GALNT13: variants seen among roughly 807,000 people sequenced by gnomAD.
The protein encoded by GALNT13 is polypeptide N-acetylgalactosaminyltransferase 13, also known as UDP-GalNAc:polypeptide N-acetylgalactosaminyltransferase 13.
A neutral mutation model predicts 64.2 loss-of-function variants in GALNT13; 28 were observed. The observed-to-expected ratio is 0.44, with a 90% CI of 0.32 to 0.60. GALNT13 has a LOEUF of 0.60. Ranked by LOEUF, GALNT13 falls within the 20% of genes least tolerant of loss-of-function variation. GALNT13 has a pLI of 0.05. For synonymous variants in GALNT13, 214 were observed against 224.6 expected (o/e 0.95, Z 0.42); for missense variants, 577 against 669.8 (o/e 0.86, Z 1.53).
At chr2:153,945,692 G>A (rs537169300) in intron 3 of GALNT13, among the ~76,000 whole-genome samples, 7 of 152,084 alleles carry the variant, frequency 4.6e-5, no homozygotes, top group Admixed American at 1.3e-4. Context: ...TGAAATTTAG[G>A]GAAACAGAAG....
intron 3 of GALNT13, among the ~76,000 whole-genome samples, chr2:153,980,434 G>T (rs1026723918): frequency 6.6e-6 from 1 of 152,086 alleles, no homozygotes; most frequent in African/African-American, 2.4e-5. Flanking sequence ...AATAAAGTTA[G>T]TGAAAAAGAG....
the GALNT13 span, among the ~76,000 whole-genome samples, chr2:153,186,420 C>G: frequency 6.6e-6 from 1 of 152,088 alleles, no homozygotes; most frequent in African/African-American, 2.4e-5. Flanking sequence ...TTGACATTCT[C>G]TGTCTTTTAA....
chr2:154,370,210 T>A (rs1574178678), intron 9 of GALNT13, among the ~76,000 whole-genome samples: 1 of 152,094 alleles, frequency 6.6e-6, no homozygotes, highest in Middle Eastern at 3.4e-3. Flanking sequence ...TATATATAGG[T>A]AGAAAAGTAG....
chr2:153,988,459 T>C (rs1048417313), intron 3 of GALNT13, among the ~76,000 whole-genome samples: 2 of 152,002 alleles, frequency 1.3e-5, no homozygotes, highest in African/African-American at 4.8e-5. Flanking sequence ...TCACTTAACA[T>C]AATGTCCTCC....
chr2:153,314,369 A>G, the GALNT13 span, among the ~76,000 whole-genome samples: 2 of 152,188 alleles, frequency 1.3e-5, no homozygotes, highest in South Asian at 4.1e-4. Flanking sequence ...TCAATAATGG[A>G]TAACAATTAG....
At chr2:153,611,525 C>T in the GALNT13 span, among the ~76,000 whole-genome samples, 4 of 151,968 alleles carry the variant, frequency 2.6e-5, no homozygotes, top group Admixed American at 2.0e-4. Context: ...CCTGCCACCA[C>T]GCCAGGCTAA....
At chr2:154,071,516 G>A (rs1700740219) in intron 3 of GALNT13, among the ~76,000 whole-genome samples, 1 of 152,070 alleles carries the variant, frequency 6.6e-6, no homozygotes, top group African/African-American at 2.4e-5. Context: ...TTCTAAATAT[G>A]TTTGAACTTT....
chr2:153,350,721 T>A, the GALNT13 span, among the ~76,000 whole-genome samples: 1 of 152,136 alleles, frequency 6.6e-6, no homozygotes, highest in South Asian at 2.1e-4. Context: ...ACCTCAACCA[T>A]GGTGGAGCTG....
At chr2:153,430,113 T>G in the GALNT13 span, among the ~76,000 whole-genome samples, 1 of 152,004 alleles carries the variant, frequency 6.6e-6, no homozygotes, top group African/African-American at 2.4e-5. Flanking sequence ...GTGATGAGAG[T>G]TTTAGATTGG....
the GALNT13 span, among the ~76,000 whole-genome samples, chr2:153,716,492 T>C: frequency 6.6e-6 from 1 of 152,098 alleles, no homozygotes; most frequent in Non-Finnish European, 1.5e-5. Context: ...CAGTGGGAAT[T>C]GATAGCTCCC....
the GALNT13 span, among the ~76,000 whole-genome samples, chr2:153,265,374 T>C: frequency 6.6e-6 from 1 of 152,300 alleles, no homozygotes; most frequent in South Asian, 2.1e-4. Flanking sequence ...AATTTGCCTC[T>C]GACTAGGGAT....
chr2:153,125,650 C>A, the GALNT13 span, among the ~76,000 whole-genome samples: 1 of 152,166 alleles, frequency 6.6e-6, no homozygotes, highest in Non-Finnish European at 1.5e-5. Context: ...ATATATTTAA[C>A]ATATGCAGAT....
At chr2:153,772,039 C>T in the GALNT13 span, among the ~76,000 whole-genome samples, 1 of 152,182 alleles carries the variant, frequency 6.6e-6, no homozygotes, top group Admixed American at 6.5e-5. Flanking sequence ...TAAATCTTGG[C>T]TTGAGCAACT....
chr2:153,652,995 C>A, the GALNT13 span, among the ~76,000 whole-genome samples: 1 of 151,922 alleles, frequency 6.6e-6, no homozygotes, highest in Non-Finnish European at 1.5e-5. Flanking sequence ...CACACAGATA[C>A]ATACATATAT....
At chr2:153,095,734 G>T in the GALNT13 span, among the ~76,000 whole-genome samples, 8 of 152,136 alleles carry the variant, frequency 5.3e-5, no homozygotes, top group Admixed American at 3.3e-4. Flanking sequence ...CATGTGCTTT[G>T]TAGGGACCTG....
intron 4 of GALNT13, among the ~76,000 whole-genome samples, chr2:154,213,746 T>G (rs763944758): frequency 6.6e-6 from 1 of 152,180 alleles, no homozygotes; most frequent in Non-Finnish European, 1.5e-5. Context: ...ATCATGTTTT[T>G]ATAACAAGAT....
At chr2:154,188,014 TTCTCTCTCTCTCTCTC>T (rs10635676) in intron 4 of GALNT13, among the ~76,000 whole-genome samples, 9 of 144,440 alleles carry the variant, frequency 6.2e-5, no homozygotes, top group African/African-American at 2.3e-4. Flanking sequence ...GCATCAGGCA[TTCTCTCTCTCTCTCTC>T]TCTCTCTCTC....
At chr2:153,595,548 T>A in the GALNT13 span, among the ~76,000 whole-genome samples, 1 of 152,048 alleles carries the variant, frequency 6.6e-6, no homozygotes, top group Non-Finnish European at 1.5e-5. Context: ...CATTAAATTC[T>A]AATTAAAATA....
chr2:154,362,286 C>A (rs1417144804), intron 9 of GALNT13, among the ~76,000 whole-genome samples: 1 of 123,258 alleles, frequency 8.1e-6, no homozygotes, highest in Non-Finnish European at 1.6e-5. Flanking sequence ...TATCTAGTTT[C>A]TCGCTTCTTG....
Sources: allele counts gnomAD v4.1 joint callset (sites outside exome capture counted in the v4.1 genomes callset), GRCh38; gene constraint gnomAD v4.1.1; transcripts MANE v1.5; gene names NCBI Gene and HGNC (gene_info 2026-07-23, HGNC 2026-07-21).